AQP8: variants seen among roughly 807,000 people sequenced by gnomAD.
The protein encoded by AQP8 is aquaporin 8.
In AQP8, 14 loss-of-function variants were observed where a neutral mutation model predicts 26.1. The ratio of observed to expected loss-of-function variants is 0.54; its 90% CI spans 0.35 to 0.84. The LOEUF (loss-of-function observed/expected upper bound fraction) is 0.84, where lower values mean the gene tolerates loss of function less well. AQP8 is among the 40% of genes least tolerant of loss of function. The pLI, the probability that AQP8 is intolerant of heterozygous loss-of-function variation, is 0.01. For synonymous variants in AQP8, 131 were observed against 150.7 expected (o/e 0.87, Z 0.96); for missense variants, 301 against 340.5 (o/e 0.88, Z 0.91).
At chr16:25,224,220 G>A (rs1962600874) in intron 3 of AQP8, 142 bp from the exon 4 acceptor site, 1 of 714,662 alleles carries the variant, frequency 1.4e-6, no homozygotes, top group African/African-American at 1.8e-5. Flanking sequence ...GCTGGGATGT[G>A]GATGCAGGTA....
At chr16:25,222,659 G>A (rs1189592835) in intron 3 of AQP8, among the ~76,000 whole-genome samples, 2 of 151,596 alleles carry the variant, frequency 1.3e-5, no homozygotes, top group Non-Finnish European at 2.9e-5. Context: ...CAAGATGTGG[G>A]CCTTGCTTGG....
chr16:25,224,152 A>G (rs1442292349), intron 3 of AQP8, among the ~76,000 whole-genome samples: 4 of 152,202 alleles, frequency 2.6e-5, no homozygotes, highest in Non-Finnish European at 4.4e-5. Context: ...AGCTGAACAA[A>G]GTGAGGCTCA....
rs1230166483 is a variant in AQP8 at position 25,222,418 on chromosome 16, AT to A, written c.387+837del. ...GGTGGGCTCTCGCTGTGTTGACCACATTGGCCTCCAACTCCTGGCCTCAAGT... is the reference window on the plus strand; with the variant it reads ...GGTGGGCTCTCGCTGTGTTGACCACATGGCCTCCAACTCCTGGCCTCAAGT... On this transcript the variant is annotated intron_variant, in intron 3 of 5. Transcript: ENST00000219660. 2.0e-5 allele frequency among the ~76,000 whole-genome samples: 3 copies of A among 150,532 alleles called. No individual in the cohort carries two copies. The East Asian group carries it at 6.0e-4, about 30-fold the overall frequency.
In AQP8 at chr16:25,221,487, G is replaced by C; in HGVS notation, c.291G>C (p.Leu97=). The C allele has an allele frequency of 6.2e-7, 1 of 1,614,098 alleles. No homozygotes were observed. The highest frequency in any genetic ancestry group is 8.5e-7 in the Non-Finnish European group (1 of 1,180,004). ...SGGHFNPAVS[L]AAMLIGGLNL... ...GACACTTCAACCCTGCGGTGTCCCTGGCAGCCATGCTGATCGGAGGCCTCA... is the reference window on the plus strand; with the variant it reads ...GACACTTCAACCCTGCGGTGTCCCTCGCAGCCATGCTGATCGGAGGCCTCA... Residue 97 remains leucine (L), a synonymous_variant, in exon 3 of 6, where the codon CTG becomes CTC. Coordinates refer to ENST00000219660, the MANE Select transcript of AQP8 (RefSeq NM_001169.3).
chr16:25,227,222 T>A lies in AQP8; in HGVS notation c.737+20T>A, dbSNP rs1449175885. 3.7e-6 allele frequency: 6 copies of A among 1,613,528 alleles called. No homozygotes were observed. The highest frequency in any genetic ancestry group is 5.1e-6 in the Non-Finnish European group (6 of 1,179,562). ...CATTAGGTAGGAGTGTGACACAGGGTCACCGGCCCATTGGATGGGCACTTG... is the reference window on the plus strand; with the variant it reads ...CATTAGGTAGGAGTGTGACACAGGGACACCGGCCCATTGGATGGGCACTTG... On this transcript the variant is annotated intron_variant, in intron 5 of 5. Coordinates refer to ENST00000219660, the MANE Select transcript of AQP8 (RefSeq NM_001169.3).
intron 2 of AQP8, among the ~76,000 whole-genome samples, chr16:25,219,866 G>A (rs1471406863): frequency 1.3e-5 from 2 of 151,816 alleles, no homozygotes; most frequent in African/African-American, 2.4e-5. Context: ...GTGAAACCCC[G>A]TCTCTACCAA....
Position 25,224,544 on chromosome 16 carries a change from C to T in AQP8, c.570C>T (p.Ile190=), listed in dbSNP as rs750211652. ...AGGGCCCTCTGGCCCCGTTCTCCAT[C>T]GGCTTTGCCGTCACCGTGGATATCC... ...KTKGPLAPFS[I]GFAVTVDILA... Residue 190 remains isoleucine (I), a synonymous_variant, in exon 4 of 6, where the codon ATC becomes ATT. Coordinates refer to ENST00000219660, the MANE Select transcript of AQP8 (RefSeq NM_001169.3). The T allele has an allele frequency of 1.2e-5, 19 of 1,613,004 alleles. No homozygotes were observed. Among genetic ancestry groups the T allele is most frequent in the South Asian group, 9.9e-5 (9 of 91,068 alleles).
intron 2 of AQP8, among the ~76,000 whole-genome samples, chr16:25,220,136 G>T (rs1023448471): frequency 3.3e-5 from 5 of 152,098 alleles, no homozygotes; most frequent in African/African-American, 1.2e-4. Context: ...TGGGGTAGCT[G>T]GTCTCGAGCT....
intron 2 of AQP8, among the ~76,000 whole-genome samples, chr16:25,220,608 A>G (rs897735967): frequency 6.6e-6 from 1 of 151,640 alleles, no homozygotes; most frequent in Non-Finnish European, 1.5e-5. Flanking sequence ...TGAACCTCCA[A>G]CTCCACCCCG....
intron 2 of AQP8, among the ~76,000 whole-genome samples, chr16:25,219,008 T>C (rs1962523124): frequency 6.6e-6 from 1 of 151,488 alleles, no homozygotes; most frequent in Non-Finnish European, 1.5e-5. Flanking sequence ...AAGGCAACCT[T>C]TATCACTTCT....
chr16:25,221,042 C>T (rs2141340604), intron 2 of AQP8, among the ~76,000 whole-genome samples: 1 of 152,332 alleles, frequency 6.6e-6, no homozygotes, highest in South Asian at 2.1e-4. Flanking sequence ...CAGAGCAAGA[C>T]TCCGTCTCGT....
intron 2 of AQP8, among the ~76,000 whole-genome samples, chr16:25,220,565 C>T (rs1006009770): frequency 6.6e-6 from 1 of 152,166 alleles, no homozygotes; most frequent in African/African-American, 2.4e-5. Flanking sequence ...CTTCCACACC[C>T]CAAACTCCCA....
intron 2 of AQP8, among the ~76,000 whole-genome samples, chr16:25,220,503 C>T (rs1045249794): frequency 1.8e-4 from 27 of 152,134 alleles, no homozygotes. Flanking sequence ...CAGGGGGTGG[C>T]TGATCAACTG....
intron 5 of AQP8, 39 bp downstream of exon 5, chr16:25,227,241 G>A: frequency 1.2e-6 from 2 of 1,612,430 alleles, no homozygotes; most frequent in Non-Finnish European, 1.7e-6. Context: ...CATTGGATGG[G>A]CACTTGGCAA....
Position 25,225,181 on chromosome 16 carries a change from G to A in AQP8, c.602+605G>A, listed in dbSNP as rs151087290. On this transcript the variant is annotated intron_variant, in intron 4 of 5. Coordinates refer to ENST00000219660, the MANE Select transcript of AQP8 (RefSeq NM_001169.3). The stretch of plus-strand genomic sequence containing the variant: ...TTTTTGTTGTAGAGATAGGGGTCAC[G>A]CTCTGTTGCCCAGGCTGGTCTTGAA... Among the ~76,000 whole-genome samples, 547 of 152,296 alleles carry A rather than the reference G, an allele frequency of 3.6e-3. 2 individuals carry two copies. Among genetic ancestry groups the A allele is most frequent in the African/African-American group, 0.012 (480 of 41,558 alleles).
intron 4 of AQP8, among the ~76,000 whole-genome samples, chr16:25,226,395 C>T (rs565166943): frequency 6.6e-6 from 1 of 152,274 alleles, no homozygotes; most frequent in Admixed American, 6.5e-5. Flanking sequence ...GTAGCTGGGA[C>T]TACAGGCGTG....
Position 25,224,403 on chromosome 16 carries a change from G to A in AQP8, c.429G>A (p.Ala143=), listed in dbSNP as rs9922831. The A allele has an allele frequency of 4.2e-3, 6,811 of 1,614,010 alleles. 249 individuals carry two copies. The African/African-American group carries it at 0.077, about 18-fold the overall frequency. Reference sequence around the variant, plus strand: ...AGAGGTTCTGGAATGCATCTGGGGCGGCCTTTGTGACAGTCCAGGAGCAGG... The same window carrying A: ...AGAGGTTCTGGAATGCATCTGGGGCAGCCTTTGTGACAGTCCAGGAGCAGG... ...PEERFWNASG[A]AFVTVQEQGQ... is the part of the protein sequence containing the mutation. The change falls in exon 4 of 6, where the codon GCG becomes GCA. Residue 143 remains alanine, a synonymous_variant. Transcript: ENST00000219660.
intron 4 of AQP8, 46 bp downstream of exon 4, chr16:25,224,622 G>A (rs1001699200): frequency 1.3e-6 from 2 of 1,569,666 alleles, no homozygotes; most frequent in Non-Finnish European, 1.7e-6. Context: ...GATCTGTGCT[G>A]TTCAGCTCTG....
intron 3 of AQP8, among the ~76,000 whole-genome samples, chr16:25,222,346 A>G (rs1168952770): frequency 6.6e-6 from 1 of 152,122 alleles, no homozygotes; most frequent in Non-Finnish European, 1.5e-5. Flanking sequence ...ACACCCAAGA[A>G]TTATCAATAA....
Sources: gnomAD v4.1 joint callset for allele counts (sites outside exome capture counted in the v4.1 genomes callset) on GRCh38, gnomAD v4.1.1 for gene constraint, MANE v1.5 for transcripts, NCBI Gene and HGNC (gene_info 2026-07-23, HGNC 2026-07-21) for gene names.